The following TTC13 variants were observed in gnomAD, a reference collection of about 807,000 sequenced individuals.
TTC13 encodes tetratricopeptide repeat domain 13, also known as tetratricopeptide repeat protein 13.
TTC13 carries 62 observed loss-of-function variants against 120.0 expected under a neutral mutation model. That is an observed-to-expected ratio of 0.52 (90% confidence interval 0.42 to 0.64). The LOEUF (loss-of-function observed/expected upper bound fraction) is 0.64, where lower values mean the gene tolerates loss of function less well. Among genes scored for constraint, TTC13 ranks in the 30% least tolerant of loss-of-function variants. TTC13 has a pLI of 0.00. For synonymous variants in TTC13, 384 were observed against 393.5 expected (o/e 0.98, Z 0.28); for missense variants, 824 against 1,050.2 (o/e 0.78, Z 2.98).
intron 12 of TTC13, among the ~76,000 whole-genome samples, chr1:230,927,881 A>G (rs1214367462): frequency 6.6e-6 from 1 of 152,200 alleles, no homozygotes; most frequent in East Asian, 1.9e-4. Flanking sequence ...ACAAATATCA[A>G]TTTTATTTTA....
intron 1 of TTC13, among the ~76,000 whole-genome samples, chr1:230,972,549 A>C (rs1677873714): frequency 6.6e-6 from 1 of 152,250 alleles, no homozygotes; most frequent in African/African-American, 2.4e-5. Context: ...GAGAAGGTTT[A>C]AAAGTCAGTC....
intron 1 of TTC13, among the ~76,000 whole-genome samples, chr1:230,972,653 G>A (rs749502176): frequency 6.6e-6 from 1 of 152,140 alleles, no homozygotes; most frequent in Non-Finnish European, 1.5e-5. Context: ...GCTCCAGGTA[G>A]GTTCTAAAAC....
intron 1 of TTC13, among the ~76,000 whole-genome samples, chr1:230,965,383 T>A (rs561654596): frequency 6.6e-6 from 1 of 152,228 alleles, no homozygotes; most frequent in Admixed American, 6.5e-5. Context: ...GTCAACATCA[T>A]TGATCATCAA....
chr1:230,921,308 G>A (rs1440536260), intron 16 of TTC13, 113 bp downstream of exon 16: 1 of 610,916 alleles, frequency 1.6e-6, no homozygotes, highest in Non-Finnish European at 2.9e-6. Flanking sequence ...GTAAAAATTT[G>A]ATAGACCTTG....
chr1:230,921,707 G>GCCTA (rs1367688326), intron 15 of TTC13, among the ~76,000 whole-genome samples: 1 of 152,144 alleles, frequency 6.6e-6, no homozygotes, highest in Admixed American at 6.5e-5. Flanking sequence ...AGCTCACAGG[G>GCCTA]CCTATTCTGG....
intron 1 of TTC13, among the ~76,000 whole-genome samples, chr1:230,972,257 T>C (rs1193981984): frequency 5.9e-5 from 9 of 152,188 alleles, no homozygotes. Flanking sequence ...CTATCGGCAA[T>C]CTTAAAAACA....
At chr1:230,953,123 C>G (rs909333298) in intron 4 of TTC13, among the ~76,000 whole-genome samples, 1 of 152,150 alleles carries the variant, frequency 6.6e-6, no homozygotes, top group African/African-American at 2.4e-5. Context: ...ATTGCCAATA[C>G]TTAACAGAAA....
chr1:230,929,425 C>T (rs1349919283), intron 11 of TTC13, among the ~76,000 whole-genome samples: 1 of 151,602 alleles, frequency 6.6e-6, no homozygotes, highest in Admixed American at 6.6e-5. Context: ...AGCCATTCTC[C>T]TGCCTCGGCC....
chr1:230,967,418 A>G (rs1345881238), intron 1 of TTC13, among the ~76,000 whole-genome samples: 2 of 151,722 alleles, frequency 1.3e-5, no homozygotes, highest in Admixed American at 6.6e-5. Flanking sequence ...TTTTTTTACC[A>G]GAAACTTTAA....
chr1:230,950,584 T>G (rs1675481466), intron 4 of TTC13, among the ~76,000 whole-genome samples: 1 of 152,190 alleles, frequency 6.6e-6, no homozygotes, highest in Non-Finnish European at 1.5e-5. Context: ...AAACAGTCAG[T>G]AGATAAGCAA....
chr1:230,969,795 C>A (rs112526712), intron 1 of TTC13, among the ~76,000 whole-genome samples: 35 of 152,314 alleles, frequency 2.3e-4, no homozygotes, highest in Non-Finnish European at 3.7e-4. Flanking sequence ...CTTCACAGGG[C>A]TACTGTGAAG....
rs904103405 is a variant in TTC13, at chr1:230,906,374, T to C, written c.*531A>G. The C allele has an allele frequency of 1.3e-5, 2 of 152,232 alleles. No individual in the cohort carries two copies. The highest frequency in any genetic ancestry group is 4.8e-5 in the African/African-American group (2 of 41,448). 9.4% of individuals were successfully genotyped at this position (152,232 alleles called of 1,614,324 possible). A position where few individuals can be genotyped will look rare whatever the true frequency, so the allele number is the denominator to read the frequency against. Reference sequence around the variant, plus strand: ...TACTGTCTGCATTGTTCAAAATAAGTGTTCCTGGCTGTGAGCTCTGCAACA... The same window carrying C: ...TACTGTCTGCATTGTTCAAAATAAGCGTTCCTGGCTGTGAGCTCTGCAACA... On this transcript the variant is annotated 3_prime_UTR_variant, in exon 23 of 23. Coordinates refer to ENST00000366661, the MANE Select transcript of TTC13 (RefSeq NM_024525.5).
intron 1 of TTC13, among the ~76,000 whole-genome samples, chr1:230,969,515 C>A (rs1276308454): frequency 2.6e-5 from 4 of 152,172 alleles, no homozygotes; most frequent in South Asian, 2.1e-4. Context: ...TGTTTCTGCT[C>A]ATTTTTCTTG....
intron 17 of TTC13, among the ~76,000 whole-genome samples, chr1:230,917,152 C>G (rs1672113292): frequency 1.3e-5 from 2 of 152,128 alleles, no homozygotes; most frequent in South Asian, 4.1e-4. Flanking sequence ...ATAAGGCCCA[C>G]AGCAGGCACT....
chr1:230,943,409 T>A (rs1052352773), intron 6 of TTC13, among the ~76,000 whole-genome samples: 7 of 152,072 alleles, frequency 4.6e-5, no homozygotes, highest in African/African-American at 1.7e-4. Context: ...CCATAAAAAA[T>A]GATGAGTTCA....
At chr1:230,915,286 A>G (rs1227873613) in intron 18 of TTC13, among the ~76,000 whole-genome samples, 3 of 152,122 alleles carry the variant, frequency 2.0e-5, no homozygotes, top group African/African-American at 7.2e-5. Flanking sequence ...CTCACTGCTG[A>G]GCAGGTGGAA....
intron 6 of TTC13, among the ~76,000 whole-genome samples, chr1:230,943,331 C>G (rs1572239169): frequency 6.6e-6 from 1 of 151,760 alleles, no homozygotes; most frequent in East Asian, 1.9e-4. Context: ...TGGAACCAAC[C>G]CAAATGTCCA....
In TTC13 at chr1:230,911,465, C is replaced by T; in HGVS notation, c.2309+5G>A. 6 of 1,569,304 alleles carry T rather than the reference C, an allele frequency of 3.8e-6. No individual in the cohort carries two copies. The highest frequency in any genetic ancestry group is 5.2e-6 in the Non-Finnish European group (6 of 1,155,146). On this transcript the variant is annotated splice_donor_5th_base_variant and intron_variant, in intron 20 of 22. Transcript: ENST00000366661. ...AAATAATTTTAATGACAGGATATTA[C>T]TTACCTGGATCCTCGAGAGAGTGGC...
chr1:230,941,810 C>G (rs994290191), intron 6 of TTC13, among the ~76,000 whole-genome samples: 15 of 152,144 alleles, frequency 9.9e-5, no homozygotes, highest in African/African-American at 3.6e-4. Context: ...GAAAATCATC[C>G]CTCCCTAGTT....
Sources: gnomAD v4.1 joint callset for allele counts (sites outside exome capture counted in the v4.1 genomes callset) on GRCh38, gnomAD v4.1.1 for gene constraint, MANE v1.5 for transcripts, NCBI Gene and HGNC (gene_info 2026-07-23, HGNC 2026-07-21) for gene names.